Variants in GOLGA1 observed in about 807,000 individuals in gnomAD.
GOLGA1 encodes the protein golgin A1, also known as golgin subfamily A member 1.
Under a neutral mutation model 119.7 loss-of-function variants are expected in GOLGA1, and 63 were observed. That is an observed-to-expected ratio of 0.53 (90% CI 0.43 to 0.65). The LOEUF (loss-of-function observed/expected upper bound fraction) is 0.65. Among genes scored for constraint, GOLGA1 ranks in the 30% least tolerant of loss-of-function variants. The pLI is 0.00. For synonymous variants in GOLGA1, 318 were observed against 333.4 expected, an observed-to-expected ratio of 0.95 and a Z score of 0.50; for missense variants, 798 against 912.8, an observed-to-expected ratio of 0.87 and a Z score of 1.62.
intron 12 of GOLGA1, among the ~76,000 whole-genome samples, chr9:124,907,758 C>G (rs682897): frequency 0.37 from 56,711 of 152,082 alleles, 11,257 homozygotes; most frequent in East Asian, 0.59. Context: ...AATACCACTC[C>G]ACACTCAGTA....
intron 3 of GOLGA1, among the ~76,000 whole-genome samples, chr9:124,935,052 A>G (rs945291871): frequency 2.0e-5 from 3 of 151,438 alleles, no homozygotes; most frequent in East Asian, 3.9e-4. Flanking sequence ...TGTCTCAAAG[A>G]AAAAAAAAGG....
At chr9:124,909,870 T>G (rs10986482) in intron 11 of GOLGA1, among the ~76,000 whole-genome samples, 1 of 152,004 alleles carries the variant, frequency 6.6e-6, no homozygotes, top group Admixed American at 6.6e-5. Context: ...GTTCAAGTGA[T>G]TCTCTTGCTT....
intron 16 of GOLGA1, 113 bp downstream of exon 16, chr9:124,890,276 C>A: frequency 1.3e-6 from 1 of 746,032 alleles, no homozygotes; most frequent in South Asian, 1.5e-5. Flanking sequence ...AGTCCTGAGT[C>A]TACTACCCTA....
chr9:124,946,327 G>C lies in GOLGA1; in HGVS notation c.-156+1591C>G, dbSNP rs1252807755. On this transcript the variant is annotated intron_variant, in intron 1 of 4. Coordinates refer to the GOLGA1 transcript ENST00000421514. The surrounding 1 kb of genome is among the most constrained non-coding windows in gnomAD (Gnocchi z 4.0). The stretch of plus-strand genomic sequence containing the variant: ...CTGAATTTAATACTATAATTGAAAA[G>C]TCTTATGAATAGTTGGCTGTTTTAT... 1 of 152,124 alleles carries C rather than the reference G, an allele frequency of 6.6e-6. No homozygotes were observed. Among genetic ancestry groups the C allele is most frequent in the African/African-American group, 2.4e-5 (1 of 41,420 alleles). The allele number at this position is 152,124 out of a possible 1,614,324, so 9.4% of individuals were successfully genotyped here.
Position 124,923,137 on chromosome 9 carries a change from T to G in GOLGA1, c.519A>C (p.Leu173Phe). 1 of 1,609,694 alleles carries G rather than the reference T, an allele frequency of 6.2e-7. No homozygotes were observed. The change falls in exon 8 of 23, where the codon TTA (leucine) becomes TTC (phenylalanine). Residue 173 changes from leucine (L) to phenylalanine (F), a missense_variant. Leu to Phe is a conservative substitution (Grantham distance 22, BLOSUM62 0). Transcript: ENST00000373555. ...LFQRRDEMDE[L>F]EGFQQQELSK... Reference sequence around the variant, plus strand: ...TTAGTTCCTGCTGCTGGAACCCCTCTAATTCATCCATTTCATCTCTCCTTT... The same window carrying G: ...TTAGTTCCTGCTGCTGGAACCCCTCGAATTCATCCATTTCATCTCTCCTTT...
intron 15 of GOLGA1, among the ~76,000 whole-genome samples, chr9:124,894,062 C>T (rs534169685): frequency 4.6e-5 from 7 of 152,320 alleles, no homozygotes; most frequent in Admixed American, 3.3e-4. Context: ...AACTCAGTCT[C>T]GTCAAATCTA....
At position 124,946,172 on chromosome 9, in the gene GOLGA1, T is replaced by G. The variant is rs139798433; in HGVS notation, c.-156+1746A>C. 31 of 152,312 alleles carry G rather than the reference T, an allele frequency of 2.0e-4. No individual in the cohort carries two copies. The highest frequency in any genetic ancestry group is 5.8e-4 in the African/African-American group (24 of 41,576). The allele number at this position is 152,312 out of a possible 1,614,324, so 9.4% of individuals were successfully genotyped here. On this transcript the variant is annotated intron_variant, in intron 1 of 4. Transcript: ENST00000421514. The surrounding 1 kb of genome is among the most constrained non-coding windows in gnomAD (Gnocchi z 4.0). ...TAATATCTGCTCTACTACTCTCCAG[T>G]GCAAAAACAATGATTTGGTTATTCA...
chr9:124,925,471 C>CTT (rs1342471510), intron 7 of GOLGA1, among the ~76,000 whole-genome samples: 5 of 151,478 alleles, frequency 3.3e-5, no homozygotes, highest in Non-Finnish European at 7.4e-5. Context: ...AATCCTAGCA[C>CTT]TTTGGGAGGC....
At chr9:124,897,165 C>T (rs1184992548) in intron 15 of GOLGA1, among the ~76,000 whole-genome samples, 1 of 152,176 alleles carries the variant, frequency 6.6e-6, no homozygotes, top group Non-Finnish European at 1.5e-5. Context: ...AGCATCAAAG[C>T]CTTCCCTAAC....
chr9:124,888,141 C>T lies in GOLGA1; in HGVS notation c.1905+112G>A, dbSNP rs1829767505. 11 of 958,764 alleles carry T rather than the reference C, an allele frequency of 1.1e-5. No homozygotes were observed. Among genetic ancestry groups the T allele is most frequent in the Non-Finnish European group, 1.8e-5 (11 of 606,140 alleles). The allele number at this position is 958,764 out of a possible 1,614,324, so 59.4% of individuals were successfully genotyped here. ...CTTTGGGTGAGAGGGGTCATGGTTG[C>T]CAGGAGGTGCGGGGGAAACCACAAA... On this transcript the variant is annotated intron_variant, in intron 19 of 22. Coordinates refer to ENST00000373555, the MANE Select transcript of GOLGA1 (RefSeq NM_002077.4). This position sits in a 1 kb window ranked among gnomAD's most constrained non-coding sequence, Gnocchi z 4.4.
intron 10 of GOLGA1, among the ~76,000 whole-genome samples, chr9:124,920,908 G>A (rs1830556352): frequency 6.6e-6 from 1 of 150,428 alleles, no homozygotes; most frequent in African/African-American, 2.4e-5. Flanking sequence ...GGTGTACTTT[G>A]AGAATTCCTG....
chr9:124,885,894 T>C (rs1829709931), intron 19 of GOLGA1, among the ~76,000 whole-genome samples: 1 of 152,216 alleles, frequency 6.6e-6, no homozygotes, highest in Non-Finnish European at 1.5e-5. Flanking sequence ...AGAAGTCTGA[T>C]ACCATCTTCC....
At chr9:124,921,107 C>A (rs551542284) in intron 10 of GOLGA1, 22 bp downstream of exon 10, 3 of 1,329,528 alleles carry the variant, frequency 2.3e-6, no homozygotes, top group South Asian at 1.2e-5. Context: ...AAATCCAGGT[C>A]TTCTCCTCAT....
chr9:124,944,466 A>ATTTTTTTTTTTTTTTTTT (rs71374207), upstream of GOLGA1: 10 of 84,726 alleles, frequency 1.2e-4, no homozygotes, highest in South Asian at 4.7e-4. Context: ...TGCCTGGCTA[A>ATTTTTTTTTTTTTTTTTT]TTTTTTTTTT....
intron 19 of GOLGA1, among the ~76,000 whole-genome samples, chr9:124,887,937 T>C (rs779410773): frequency 2.0e-5 from 3 of 152,184 alleles, no homozygotes; most frequent in Non-Finnish European, 2.9e-5. Context: ...AAAGGAAGTA[T>C]AGACGAAAGA....
intron 4 of GOLGA1, among the ~76,000 whole-genome samples, chr9:124,929,958 G>A (rs1830743687): frequency 6.6e-6 from 1 of 152,124 alleles, no homozygotes; most frequent in Admixed American, 6.6e-5. Context: ...TATTGGTCCT[G>A]TAGTATTAGT....
At chr9:124,936,607 AT>A in intron 3 of GOLGA1, among the ~76,000 whole-genome samples, 1 of 151,102 alleles carries the variant, frequency 6.6e-6, no homozygotes, top group East Asian at 1.9e-4. Flanking sequence ...AACCAGGCAA[AT>A]TAAAAAAAAA....
intron 11 of GOLGA1, among the ~76,000 whole-genome samples, chr9:124,910,953 C>G (rs598056): frequency 0.96 from 146,668 of 152,320 alleles, 70,871 homozygotes; most frequent in East Asian, 1. Context: ...GGTGCCAAAA[C>G]GGTTGGGAAC....
intron 14 of GOLGA1, among the ~76,000 whole-genome samples, 176 bp downstream of exon 14, chr9:124,899,153 G>T (rs1276574708): frequency 2.6e-5 from 4 of 152,158 alleles, no homozygotes; most frequent in Non-Finnish European, 5.9e-5. Flanking sequence ...TTGTAATCAT[G>T]CCACTGTGCT....
Sources: gnomAD v4.1 joint callset for allele counts (sites outside exome capture counted in the v4.1 genomes callset) on GRCh38, gnomAD v4.1.1 for gene constraint, Gnocchi (gnomAD v3.1) non-coding constraint, MANE v1.5 for transcripts, NCBI Gene and HGNC (gene_info 2026-07-23, HGNC 2026-07-21) for gene names.